Variants in PRH1 observed in about 807,000 individuals in gnomAD.
PRH1 encodes proline rich protein HaeIII subfamily 1, also known as salivary acidic proline-rich phosphoprotein 1/2.
Under a neutral mutation model 7.9 loss-of-function variants are expected in PRH1, and 7 were observed. That is an observed-to-expected ratio of 0.89 (90% CI 0.50 to 1.67). The LOEUF is 1.67. PRH1 is among the 40% of genes most tolerant of loss of function. PRH1 has a pLI of 0.00. For synonymous variants in PRH1, 45 were observed against 80.8 expected, an observed-to-expected ratio of 0.56 and a Z score of 2.38; for missense variants, 109 against 223.6, an observed-to-expected ratio of 0.49 and a Z score of 3.27.
chr12:11,014,981 G>A (rs1174996743), intron 1 of PRH1, among the ~76,000 whole-genome samples: 1 of 152,086 alleles, frequency 6.6e-6, no homozygotes, highest in Non-Finnish European at 1.5e-5. Flanking sequence ...ACCAGGGAGA[G>A]GCAATTTCAC....
intron 1 of PRH1, among the ~76,000 whole-genome samples, chr12:11,156,764 T>G (rs966173872): frequency 5.9e-5 from 9 of 152,158 alleles, no homozygotes; most frequent in Non-Finnish European, 8.8e-5. Context: ...TAAAGATTTT[T>G]TAAAAACTTT....
chr12:11,090,415 G>A (rs1944840503), intron 1 of PRH1, among the ~76,000 whole-genome samples: 1 of 114,386 alleles, frequency 8.7e-6, no homozygotes, highest in South Asian at 2.4e-4. Flanking sequence ...GCTTAAAAGT[G>A]CTTTAGAAAG....
At chr12:11,025,324 T>C (rs1267498559) in intron 1 of PRH1, among the ~76,000 whole-genome samples, 1 of 152,286 alleles carries the variant, frequency 6.6e-6, no homozygotes, top group Non-Finnish European at 1.5e-5. Context: ...TTTCAATTTC[T>C]GTTTATGAAG....
At chr12:11,036,313 C>T (rs1942433103) in intron 1 of PRH1, among the ~76,000 whole-genome samples, 1 of 152,222 alleles carries the variant, frequency 6.6e-6, no homozygotes, top group African/African-American at 2.4e-5. Flanking sequence ...CATAAGTAGA[C>T]TTTAAGTCCC....
At chr12:11,090,571 G>C (rs1944846010) in intron 1 of PRH1, among the ~76,000 whole-genome samples, 1 of 95,248 alleles carries the variant, frequency 1.0e-5, no homozygotes, top group Non-Finnish European at 2.6e-5. Context: ...CCCTTTATTA[G>C]AGAAGGAATT....
intron 1 of PRH1, among the ~76,000 whole-genome samples, chr12:11,165,301 C>T (rs1025915877): frequency 7.5e-5 from 11 of 146,346 alleles, no homozygotes; most frequent in Admixed American, 3.4e-4. Context: ...TTTCCTCCAT[C>T]TCTTCTCTCC....
At chr12:10,932,704 C>G (rs1459601720) in intron 2 of PRH1, among the ~76,000 whole-genome samples, 1 of 152,004 alleles carries the variant, frequency 6.6e-6, no homozygotes, top group Non-Finnish European at 1.5e-5. Flanking sequence ...GCCACTAGAC[C>G]TATTTTCCCC....
chr12:11,013,674 T>C (rs1941160788), intron 1 of PRH1, among the ~76,000 whole-genome samples: 1 of 152,154 alleles, frequency 6.6e-6, no homozygotes. Flanking sequence ...AATTAGATGC[T>C]GGGCTACCCT....
At chr12:11,038,200 CTTT>C (rs1263349420) in intron 1 of PRH1, among the ~76,000 whole-genome samples, 1 of 152,154 alleles carries the variant, frequency 6.6e-6, no homozygotes, top group African/African-American at 2.4e-5. Flanking sequence ...TATGTTTCTG[CTTT>C]TTTAACATTT....
chr12:11,049,987 C>T (rs1428467783), upstream of PRH1, among the ~76,000 whole-genome samples: 1 of 152,052 alleles, frequency 6.6e-6, no homozygotes, highest in African/African-American at 2.4e-5. Flanking sequence ...CGAGTTTCCC[C>T]AGGAGGTCAT....
intron 1 of PRH1, among the ~76,000 whole-genome samples, chr12:11,040,078 G>C (rs1021374081): frequency 5.3e-5 from 8 of 152,126 alleles, no homozygotes; most frequent in African/African-American, 1.9e-4. Context: ...CAGCAATTGT[G>C]TAACTATTTT....
downstream of PRH1, among the ~76,000 whole-genome samples, chr12:11,115,959 T>C (rs916458149): frequency 1.3e-5 from 2 of 151,558 alleles, no homozygotes; most frequent in Non-Finnish European, 2.9e-5. Context: ...AAACTTGAAA[T>C]AAACAACCTA....
At chr12:11,167,902 A>G (rs1565724068) in intron 1 of PRH1, among the ~76,000 whole-genome samples, 1 of 149,648 alleles carries the variant, frequency 6.7e-6, no homozygotes, top group East Asian at 1.9e-4. Flanking sequence ...AATGCATGCT[A>G]TATCATATTC....
At chr12:10,989,328 T>A (rs910774783) in intron 1 of PRH1, among the ~76,000 whole-genome samples, 1 of 152,214 alleles carries the variant, frequency 6.6e-6, no homozygotes, top group Non-Finnish European at 1.5e-5. Context: ...TGTATGAATG[T>A]GTTGTAATGA....
At chr12:11,058,493 G>A (rs551925294) in intron 1 of PRH1, among the ~76,000 whole-genome samples, 2 of 152,386 alleles carry the variant, frequency 1.3e-5, no homozygotes, top group South Asian at 4.1e-4. Flanking sequence ...ACAGTGTTTT[G>A]GGGGCCTACT....
At chr12:11,114,537 G>A (rs1945678550) in intron 1 of PRH1, among the ~76,000 whole-genome samples, 1 of 152,128 alleles carries the variant, frequency 6.6e-6, no homozygotes, top group African/African-American at 2.4e-5. Context: ...ATAGCATTAG[G>A]AGAAATATCT....
chr12:11,095,429 CCAA>C (rs1945051355), intron 1 of PRH1, among the ~76,000 whole-genome samples: 1 of 44,846 alleles, frequency 2.2e-5, no homozygotes, highest in East Asian at 3.6e-4. Context: ...TATAATTACC[CCAA>C]CAAGACATTA....
intron 1 of PRH1, among the ~76,000 whole-genome samples, chr12:11,076,418 T>TTCATG (rs1944292233): frequency 1.5e-5 from 2 of 132,430 alleles, no homozygotes; most frequent in East Asian, 2.0e-4. Context: ...CTATACTCTC[T>TTCATG]TTGGGACTTT....
At position 10,991,975 on chromosome 12, in the gene PRH1, T is replaced by C. The variant is rs1939956132; in HGVS notation, c.-125-18254A>G. On this transcript the variant is annotated intron_variant, in intron 1 of 3. Transcript: ENST00000539853. ...ACAGTAACAGCCTCATTTAAATGGG[T>C]TGATGGACCGATAGTTGAAGAGGCC... Among the ~76,000 whole-genome samples, 3 of 152,076 alleles carry C rather than the reference T, an allele frequency of 2.0e-5. No individual in the cohort carries two copies. In the South Asian group the frequency reaches 6.2e-4, roughly 32 times the overall value.
Sources: allele counts gnomAD v4.1 joint callset (sites outside exome capture counted in the v4.1 genomes callset), GRCh38; gene constraint gnomAD v4.1.1; transcripts MANE v1.5; gene names NCBI Gene and HGNC (gene_info 2026-07-23, HGNC 2026-07-21).